The following PEX26 variants were observed in gnomAD, a reference collection of about 807,000 sequenced individuals.
PEX26 encodes peroxisomal biogenesis factor 26.
PEX26 carries 18 observed loss-of-function variants against 31.4 expected under a neutral mutation model. The observed-to-expected ratio is 0.57, with a 90% CI of 0.40 to 0.85. The LOEUF is 0.85. Ranked by LOEUF, PEX26 falls within the 40% of genes least tolerant of loss-of-function variation. PEX26 has a pLI of 0.00. For missense variants in PEX26, 377 were observed against 383.9 expected (o/e 0.98, Z 0.15); for synonymous variants, 176 against 166.9 (o/e 1.05, Z -0.42).
chr22:18,078,016 A>T lies in PEX26; in HGVS notation c.-361A>T. 2 of 466,548 alleles carry T rather than the reference A, an allele frequency of 4.3e-6. No homozygotes were observed. The highest frequency in any genetic ancestry group is 8.4e-6 in the Non-Finnish European group (2 of 237,502). The allele number at this position is 466,548 out of a possible 1,614,324, so 28.9% of individuals were successfully genotyped here. A position where few individuals can be genotyped will look rare whatever the true frequency, so the allele number is the denominator to read the frequency against. ...CGCGGCTGCGGGGCTGGGCGAGCGC[A>T]AAGATGTCCGCGCCCGCTGCCGGGA... On this transcript the variant is annotated 5_prime_UTR_variant, in exon 1 of 5. Transcript: ENST00000399744.
In PEX26 at chr22:18,089,488, T is replaced by G. The variant is rs998521202; in HGVS notation, c.*1413T>G. The G allele has an allele frequency of 3.9e-5, 6 of 152,332 alleles. No homozygotes were observed. The highest frequency in any genetic ancestry group is 1.4e-4 in the African/African-American group (6 of 41,450). The allele number at this position is 152,332 out of a possible 1,614,324, so 9.4% of individuals were successfully genotyped here. A position where few individuals can be genotyped will look rare whatever the true frequency, so the allele number is the denominator to read the frequency against. On this transcript the variant is annotated 3_prime_UTR_variant, in exon 5 of 5. Transcript: ENST00000399744. ...TTTCTCACCAGCCACAAGCATCTTA[T>G]GAGTTTCTGTGCAAGGAAGCGTAGA...
rs1926950210 is a variant in PEX26 at position 18,088,714 on chromosome 22, T to TG, written c.*640dup. The TG allele has an allele frequency of 5.7e-6, 1 of 176,734 alleles. No homozygotes were observed. The allele number at this position is 176,734 out of a possible 1,614,324, so 10.9% of individuals were successfully genotyped here. On this transcript the variant is annotated 3_prime_UTR_variant, in exon 5 of 5. Coordinates refer to ENST00000399744, the MANE Select transcript of PEX26 (RefSeq NM_001127649.3). This position sits in a 1 kb window ranked among gnomAD's most constrained non-coding sequence, Gnocchi z 4.1. ...TCACTTGAGCCAGGGAGGCAAAAGT[T>TG]GCAGTGAGCTGAGATTGTGCTACCG...
chr22:18,078,354 TG>T lies in PEX26; in HGVS notation c.-20del. 1 of 1,557,380 alleles carries T rather than the reference TG, an allele frequency of 6.4e-7. No homozygotes were observed. Among genetic ancestry groups the T allele is most frequent in the Non-Finnish European group, 8.8e-7 (1 of 1,137,760 alleles). On this transcript the variant is annotated 5_prime_UTR_variant, in exon 1 of 5. Transcript: ENST00000399744. The stretch of plus-strand genomic sequence containing the variant: ...GCGGTCACTCCGACGTCTGAGGACC[TG>T]GGCCTTGGACCCGGACTCGTTATGA...
rs954127337 is a variant in PEX26, at chr22:18,102,706, T to C, written c.*14631T>C. 6.6e-6 allele frequency: 1 copy of C among 152,226 alleles called. No homozygotes were observed. The highest frequency in any genetic ancestry group is 1.5e-5 in the Non-Finnish European group (1 of 68,052). 9.4% of individuals were successfully genotyped at this position (152,226 alleles called of 1,614,324 possible). A position where few individuals can be genotyped will look rare whatever the true frequency, so the allele number is the denominator to read the frequency against. On this transcript the variant is annotated 3_prime_UTR_variant, in exon 5 of 5. Coordinates refer to ENST00000399744, the MANE Select transcript of PEX26 (RefSeq NM_001127649.3). ...CCCTTCATCTTTATCATGCCTAATA[T>C]TGTGAAGGCCATGTGCTAAATCCAG...
chr22:18,088,379 C>G lies in PEX26; in HGVS notation c.*304C>G. ...GGACTGTGTCCATGAAACATTCCAT[C>G]TTCTTGGTGAAGGCAAGGGGTTGGT... On this transcript the variant is annotated 3_prime_UTR_variant, in exon 5 of 5. Coordinates refer to ENST00000399744, the MANE Select transcript of PEX26 (RefSeq NM_001127649.3). The surrounding 1 kb of genome is among the most constrained non-coding windows in gnomAD (Gnocchi z 4.1). 2 of 488,354 alleles carry G rather than the reference C, an allele frequency of 4.1e-6. No individual in the cohort carries two copies. The highest frequency in any genetic ancestry group is 7.6e-6 in the Non-Finnish European group (2 of 263,830). 30.3% of individuals were successfully genotyped at this position (488,354 alleles called of 1,614,324 possible).
chr22:18,081,152 TA>T (rs1302127976), intron 2 of PEX26, among the ~76,000 whole-genome samples: 1 of 48 alleles, frequency 0.021, no homozygotes, highest in Non-Finnish European at 0.029. Flanking sequence ...AGTATTCCAT[TA>T]TATATATATA....
At chr22:18,085,364 C>T (rs866217609) in intron 4 of PEX26, 106 bp downstream of exon 4, 5 of 1,157,822 alleles carry the variant, frequency 4.3e-6, no homozygotes, top group Non-Finnish European at 6.4e-6. Context: ...AGGGGAGTCT[C>T]TCCTATGACA....
rs762217288 is a variant in PEX26 at position 18,096,047 on chromosome 22, T to C, written c.*7972T>C. 9.9e-5 allele frequency: 15 copies of C among 152,232 alleles called. No homozygotes were observed. The highest frequency in any genetic ancestry group is 3.6e-4 in the African/African-American group (15 of 41,446). 9.4% of individuals were successfully genotyped at this position (152,232 alleles called of 1,614,324 possible). ...CATGTTGGCCAGGCTGGTCTTGAACTCTTGACCTCAAGTGATCTGCATGCC... is the reference window on the plus strand; with the variant it reads ...CATGTTGGCCAGGCTGGTCTTGAACCCTTGACCTCAAGTGATCTGCATGCC... On this transcript the variant is annotated 3_prime_UTR_variant, in exon 5 of 5. Transcript: ENST00000399744.
In PEX26 at chr22:18,092,823, T is replaced by TGGG. The variant is rs796415283; in HGVS notation, c.*4756_*4758dup. ...CTAGTGGGACCCCATTTCTTTTTTT[T>TGGG]GGGGGGGGGGTGGGTTATAAAAGCC... On this transcript the variant is annotated 3_prime_UTR_variant, in exon 5 of 5. Transcript: ENST00000399744. 6 of 39,566 alleles carry TGGG rather than the reference T, an allele frequency of 1.5e-4. No homozygotes were observed. The highest frequency in any genetic ancestry group is 3.2e-4 in the African/African-American group (4 of 12,590). 2.5% of individuals were successfully genotyped at this position (39,566 alleles called of 1,614,324 possible).
In PEX26 at chr22:18,093,274, A is replaced by C. The variant is rs1467162766; in HGVS notation, c.*5199A>C. ...CCCATTTCATTTAAATTAAAGAAAA[A>C]AACCTGGCCGGGCGCGGTGGCTCAC... On this transcript the variant is annotated 3_prime_UTR_variant, in exon 5 of 5. Coordinates refer to ENST00000399744, the MANE Select transcript of PEX26 (RefSeq NM_001127649.3). The C allele has an allele frequency of 6.6e-6, 1 of 152,174 alleles. No homozygotes were observed. The highest frequency in any genetic ancestry group is 6.5e-5 in the Admixed American group (1 of 15,280). The allele number at this position is 152,174 out of a possible 1,614,324, so 9.4% of individuals were successfully genotyped here.
intron 2 of PEX26, among the ~76,000 whole-genome samples, chr22:18,081,243 TATACACACACACAC>T (rs931498109): frequency 4.8e-5 from 3 of 62,454 alleles, no homozygotes; most frequent in African/African-American, 1.4e-4. Flanking sequence ...TATGTACACA[TATACACACACACAC>T]ACACACACAC....
In PEX26 at chr22:18,079,837, A is replaced by G. The variant is rs750352837; in HGVS notation, c.231-37A>G. 4 of 1,613,390 alleles carry G rather than the reference A, an allele frequency of 2.5e-6. No homozygotes were observed. In the African/African-American group the frequency reaches 5.3e-5, roughly 22 times the overall value. The stretch of plus-strand genomic sequence containing the variant: ...GGAGGTGGGAATGGAAATGGAGGGG[A>G]ACCACTTCTAACTGAAATTGGTTTT... On this transcript the variant is annotated intron_variant, in intron 1 of 4. Transcript: ENST00000399744.
rs761216250 is a variant in PEX26, at chr22:18,079,924, C to G, written c.281C>G (p.Ala94Gly). 47 of 1,613,930 alleles carry G rather than the reference C, an allele frequency of 2.9e-5. No individual in the cohort carries two copies. The highest frequency in any genetic ancestry group is 3.9e-5 in the Non-Finnish European group (46 of 1,179,954). ...TGTGTTGTGGGGATCCAGGCCCTGG[C>G]AGAAATGGATCGGTGGCAAGAAGTC... ...SLCVVGIQALAEMDRWQEVLS... is the reference protein window; with the variant it reads ...SLCVVGIQALGEMDRWQEVLS... Residue 94 changes from alanine (A) to glycine (G), a missense_variant, in exon 2 of 5, where the codon GCA (alanine) becomes GGA (glycine). By Grantham distance (60) the Ala-to-Gly change is moderately conservative. Coordinates refer to ENST00000399744, the MANE Select transcript of PEX26 (RefSeq NM_001127649.3).
Position 18,078,038 on chromosome 22 carries a change from G to A in PEX26, c.-339G>A. The stretch of plus-strand genomic sequence containing the variant: ...CGCAAAGATGTCCGCGCCCGCTGCC[G>A]GGAGGCGAGGTGAGTCTTTGATCGT... On this transcript the variant is annotated 5_prime_UTR_variant, in exon 1 of 5. Coordinates refer to ENST00000399744, the MANE Select transcript of PEX26 (RefSeq NM_001127649.3). 1 of 497,056 alleles carries A rather than the reference G, an allele frequency of 2.0e-6. No individual in the cohort carries two copies. Among genetic ancestry groups the A allele is most frequent in the South Asian group, 1.5e-5 (1 of 64,622 alleles). The allele number at this position is 497,056 out of a possible 1,614,324, so 30.8% of individuals were successfully genotyped here. A position where few individuals can be genotyped will look rare whatever the true frequency, so the allele number is the denominator to read the frequency against.
rs181008281 is a variant in PEX26, at chr22:18,094,102, C to T, written c.*6027C>T. ...CCAACAGCCCCTTTAAAACTTTTAG[C>T]ATCCTCTTGTCACTTTTGTACTATC... On this transcript the variant is annotated 3_prime_UTR_variant, in exon 5 of 5. Transcript: ENST00000399744. 41 of 152,358 alleles carry T rather than the reference C, an allele frequency of 2.7e-4. No homozygotes were observed. Among genetic ancestry groups the T allele is most frequent in the African/African-American group, 9.4e-4 (39 of 41,578 alleles). The allele number at this position is 152,358 out of a possible 1,614,324, so 9.4% of individuals were successfully genotyped here.
Position 18,083,936 on chromosome 22 carries a change from C to T in PEX26, c.667+204C>T, listed in dbSNP as rs75620601. Among the ~76,000 whole-genome samples the T allele has an allele frequency of 0.025, 3,821 of 152,314 alleles. 166 individuals are homozygous for T. The highest frequency in any genetic ancestry group is 0.087 in the African/African-American group (3,610 of 41,562). On this transcript the variant is annotated intron_variant, in intron 3 of 4. Transcript: ENST00000399744. ...GTTGGCAGTGGAAGGAGAATCTCCA[C>T]ATGGGAAGGTGTTGCTGGGTCTTGG...
At chr22:18,078,954 G>T (rs1236897092) in intron 1 of PEX26, 1 of 429,272 alleles carries the variant, frequency 2.3e-6, no homozygotes, top group Admixed American at 3.1e-5. Context: ...CCCGCCCAAG[G>T]TTGTTTATTC....
At chr22:18,078,687 C>A in intron 1 of PEX26, 81 bp downstream of exon 1, 1 of 1,280,954 alleles carries the variant, frequency 7.8e-7, no homozygotes, top group South Asian at 1.3e-5. Flanking sequence ...CTGTCCTTCC[C>A]AGATTGCCCA....
Position 18,088,761 on chromosome 22 carries a change from A to C in PEX26, c.*686A>C, listed in dbSNP as rs1030464369. 5 of 168,520 alleles carry C rather than the reference A, an allele frequency of 3.0e-5. No individual in the cohort carries two copies. The highest frequency in any genetic ancestry group is 2.2e-4 in the Admixed American group (4 of 18,350). The allele number at this position is 168,520 out of a possible 1,614,324, so 10.4% of individuals were successfully genotyped here. On this transcript the variant is annotated 3_prime_UTR_variant, in exon 5 of 5. Coordinates refer to ENST00000399744, the MANE Select transcript of PEX26 (RefSeq NM_001127649.3). This position sits in a 1 kb window ranked among gnomAD's most constrained non-coding sequence, Gnocchi z 4.1. ...ACCGCACTCTCTCAAAACAAACAAA[A>C]AAACATGCCCCACAGGACAGTACCT... is the stretch of plus-strand genomic sequence containing the variant.
Sources: allele counts gnomAD v4.1 joint callset (sites outside exome capture counted in the v4.1 genomes callset), GRCh38; gene constraint gnomAD v4.1.1; non-coding constraint Gnocchi (gnomAD v3.1); transcripts MANE v1.5; gene names NCBI Gene and HGNC (gene_info 2026-07-23, HGNC 2026-07-21).